Variants in FHIP1A observed in about 807,000 individuals in gnomAD.
FHIP1A encodes the protein FHF complex subunit HOOK interacting protein 1A, also known as FHF complex subunit HOOK-interacting protein 1A.
A neutral mutation model predicts 88.6 loss-of-function variants in FHIP1A; 61 were observed. The observed-to-expected ratio is 0.69, with a 90% CI of 0.56 to 0.85. FHIP1A has a LOEUF of 0.85. FHIP1A is among the 40% of genes least tolerant of loss of function. The pLI, the probability that FHIP1A is intolerant of heterozygous loss-of-function variation, is 0.00. For synonymous variants in FHIP1A, 478 were observed against 496.0 expected (o/e 0.96, Z 0.48); for missense variants, 1,154 against 1,273.5 (o/e 0.91, Z 1.43).
At chr4:151,573,271 A>G (rs1733660658) in intron 4 of FHIP1A, among the ~76,000 whole-genome samples, 1 of 147,208 alleles carries the variant, frequency 6.8e-6, no homozygotes, top group Non-Finnish European at 1.5e-5. Context: ...GATGCATCCA[A>G]ACACACACAC....
intron 8 of FHIP1A, among the ~76,000 whole-genome samples, chr4:151,635,757 T>C (rs1290843338): frequency 6.6e-6 from 1 of 151,912 alleles, no homozygotes; most frequent in East Asian, 1.9e-4. Flanking sequence ...TGTTCGGTGG[T>C]TACTGAGTTT....
chr4:151,665,978 CCTGGG>C lies in FHIP1A; in HGVS notation c.*3226_*3230del, dbSNP rs544589588. ...CCTGAGCTGGCGTCACTGCGTCTGG[CCTGGG>C]CAGGAAAGGTGAGGGAGCCAAGGGT... is the stretch of plus-strand genomic sequence containing the variant. On this transcript the variant is annotated 3_prime_UTR_variant, in exon 14 of 14. Coordinates refer to ENST00000435205, the MANE Select transcript of FHIP1A (RefSeq NM_001109977.3). 1.6e-3 allele frequency among the ~76,000 whole-genome samples: 237 copies of C among 152,304 alleles called. No homozygotes were observed. The highest frequency in any genetic ancestry group is 2.6e-3 in the Non-Finnish European group (174 of 68,026).
intron 5 of FHIP1A, among the ~76,000 whole-genome samples, chr4:151,582,961 TTC>T (rs1440125477): frequency 6.6e-6 from 1 of 152,216 alleles, no homozygotes; most frequent in African/African-American, 2.4e-5. Flanking sequence ...GTTGGAATCT[TTC>T]TTTTTCCTTA....
intron 10 of FHIP1A, among the ~76,000 whole-genome samples, chr4:151,649,031 C>G (rs907142743): frequency 6.6e-6 from 1 of 152,116 alleles, no homozygotes; most frequent in Non-Finnish European, 1.5e-5. Context: ...TACAAAACGT[C>G]TGGTTCTCAG....
At chr4:151,657,336 G>T (rs1737283418) in intron 13 of FHIP1A, among the ~76,000 whole-genome samples, 1 of 152,046 alleles carries the variant, frequency 6.6e-6, no homozygotes, top group African/African-American at 2.4e-5. Flanking sequence ...GTGTGCTTTA[G>T]GGCCCTAGGA....
At chr4:151,582,761 G>C (rs183837774) in intron 5 of FHIP1A, among the ~76,000 whole-genome samples, 1 of 152,190 alleles carries the variant, frequency 6.6e-6, no homozygotes, top group African/African-American at 2.4e-5. Context: ...CAATTTTTTT[G>C]TGTGTGTGGA....
At chr4:151,496,717 T>C (rs1011280937) in intron 3 of FHIP1A, among the ~76,000 whole-genome samples, 1 of 63,278 alleles carries the variant, frequency 1.6e-5, no homozygotes, top group African/African-American at 5.7e-5. Flanking sequence ...CACGTCCAGC[T>C]TTTTTTTTTT....
At chr4:151,525,132 C>A (rs1731583670) in intron 3 of FHIP1A, among the ~76,000 whole-genome samples, 1 of 152,076 alleles carries the variant, frequency 6.6e-6, no homozygotes, top group South Asian at 2.1e-4. Flanking sequence ...CTAAATTAAA[C>A]AAAAAGGAAA....
intron 3 of FHIP1A, among the ~76,000 whole-genome samples, chr4:151,500,464 T>C (rs1730612612): frequency 1.3e-5 from 2 of 150,394 alleles, no homozygotes; most frequent in African/African-American, 4.9e-5. Context: ...AAAAAGACTT[T>C]GGACAGCCTG....
intron 2 of FHIP1A, among the ~76,000 whole-genome samples, chr4:151,458,623 A>G (rs551881869): frequency 1.3e-5 from 2 of 152,226 alleles, no homozygotes; most frequent in East Asian, 1.9e-4. Flanking sequence ...GTCTACTGGA[A>G]TATTTTGTAC....
intron 13 of FHIP1A, among the ~76,000 whole-genome samples, chr4:151,659,405 C>T (rs1407376800): frequency 6.6e-6 from 1 of 152,198 alleles, no homozygotes; most frequent in Non-Finnish European, 1.5e-5. Context: ...GGCCTGTTCT[C>T]ACTGGGATAC....
At chr4:151,412,963 C>T (rs1047280700) in intron 1 of FHIP1A, among the ~76,000 whole-genome samples, 2 of 151,954 alleles carry the variant, frequency 1.3e-5, no homozygotes, top group Non-Finnish European at 1.5e-5. Flanking sequence ...GGATTATAGA[C>T]GTGAGCCACC....
At position 151,476,763 on chromosome 4, in the gene FHIP1A, G is replaced by A. The variant is rs373742238; in HGVS notation, c.-247-5761G>A. Among the ~76,000 whole-genome samples, 25 of 152,220 alleles carry A rather than the reference G, an allele frequency of 1.6e-4. No homozygotes were observed. The South Asian group carries it at 3.1e-3, about 19-fold the overall frequency. On this transcript the variant is annotated intron_variant, in intron 2 of 13. Transcript: ENST00000435205. Reference sequence around the variant, plus strand: ...AATATCCAAGAGAATAAAATAAAAAGCTAATTACGAAGAATATGATAATCT... The same window carrying A: ...AATATCCAAGAGAATAAAATAAAAAACTAATTACGAAGAATATGATAATCT...
intron 7 of FHIP1A, among the ~76,000 whole-genome samples, chr4:151,617,891 A>C (rs776803848): frequency 2.0e-5 from 3 of 152,198 alleles, no homozygotes; most frequent in Non-Finnish European, 2.9e-5. Flanking sequence ...GTCTTAAAAA[A>C]AAGAAAAAGT....
At chr4:151,418,255 T>C (rs1454423348) in intron 1 of FHIP1A, among the ~76,000 whole-genome samples, 3 of 150,830 alleles carry the variant, frequency 2.0e-5, no homozygotes, top group Non-Finnish European at 4.4e-5. Flanking sequence ...AAACACCAAC[T>C]GACTTGATAT....
rs2126946466 is a variant in FHIP1A, at chr4:151,669,638, TG to T, written c.*6885del. Reference sequence around the variant, plus strand: ...GAGGAGAGAACTGCTTCAGCCTTACTGTCTTGTAGAGAGATTTGGTGAAAAT... The same window carrying T: ...GAGGAGAGAACTGCTTCAGCCTTACTTCTTGTAGAGAGATTTGGTGAAAAT... On this transcript the variant is annotated 3_prime_UTR_variant, in exon 14 of 14. Coordinates refer to ENST00000435205, the MANE Select transcript of FHIP1A (RefSeq NM_001109977.3). 6.6e-6 allele frequency: 1 copy of T among 152,328 alleles called. No homozygotes were observed. The highest frequency in any genetic ancestry group is 2.4e-5 in the African/African-American group (1 of 41,566). 9.4% of individuals were successfully genotyped at this position (152,328 alleles called of 1,614,324 possible).
intron 1 of FHIP1A, among the ~76,000 whole-genome samples, chr4:151,413,152 C>A (rs1732744710): frequency 6.6e-6 from 1 of 152,090 alleles, no homozygotes; most frequent in African/African-American, 2.4e-5. Context: ...ATTGAAGTAA[C>A]CTCCATTAAA....
intron 3 of FHIP1A, among the ~76,000 whole-genome samples, chr4:151,504,530 A>G (rs1167083269): frequency 6.6e-6 from 1 of 152,096 alleles, no homozygotes; most frequent in Non-Finnish European, 1.5e-5. Flanking sequence ...GCAGAACAAG[A>G]AATTTATTAG....
chr4:151,644,676 T>G (rs1417882753), intron 9 of FHIP1A, among the ~76,000 whole-genome samples: 3 of 152,140 alleles, frequency 2.0e-5, no homozygotes, highest in Non-Finnish European at 2.9e-5. Context: ...CTTAAATATA[T>G]GCATGAACAA....
Sources: gnomAD v4.1 joint callset for allele counts (sites outside exome capture counted in the v4.1 genomes callset) on GRCh38, gnomAD v4.1.1 for gene constraint, MANE v1.5 for transcripts, NCBI Gene and HGNC (gene_info 2026-07-23, HGNC 2026-07-21) for gene names.